The following ALK variants were observed in gnomAD, a reference collection of about 807,000 sequenced individuals.
The protein encoded by ALK is ALK receptor tyrosine kinase, also known as ALK tyrosine kinase receptor.
A neutral mutation model predicts 163.1 loss-of-function variants in ALK; 74 were observed. The ratio of observed to expected loss-of-function variants is 0.45; its 90% CI spans 0.38 to 0.55. The LOEUF is 0.55. Ranked by LOEUF, ALK falls within the 20% of genes least tolerant of loss-of-function variation. The pLI is 0.00. For missense variants in ALK, 2,063 were observed against 2,105.3 expected, an observed-to-expected ratio of 0.98 and a Z score of 0.39; for synonymous variants, 960 against 843.2, an observed-to-expected ratio of 1.14 and a Z score of -2.40.
At chr2:29,713,538 CT>C (rs1231540763) in intron 2 of ALK, among the ~76,000 whole-genome samples, 1 of 152,080 alleles carries the variant, frequency 6.6e-6, no homozygotes, top group Non-Finnish European at 1.5e-5. Flanking sequence ...AGACATCAGA[CT>C]GATCATTTAG....
chr2:29,245,920 C>T (rs148280143), intron 12 of ALK, among the ~76,000 whole-genome samples: 214 of 152,342 alleles, frequency 1.4e-3, no homozygotes, highest in East Asian at 6.4e-3. Flanking sequence ...TGGCGTTGTC[C>T]GGCTGCACAC....
chr2:29,910,784 A>G (rs933316458), intron 1 of ALK, among the ~76,000 whole-genome samples: 8 of 152,242 alleles, frequency 5.3e-5, no homozygotes, highest in African/African-American at 1.9e-4. Flanking sequence ...CACTTTCAGC[A>G]AACAAAAGCT....
chr2:29,716,107 T>C (rs111530364), intron 2 of ALK, among the ~76,000 whole-genome samples: 47 of 152,316 alleles, frequency 3.1e-4, no homozygotes, highest in African/African-American at 1.1e-3. Flanking sequence ...GCATTTTAAA[T>C]AGCTTAGGCC....
chr2:29,865,353 G>A (rs1666405689), intron 1 of ALK, among the ~76,000 whole-genome samples: 1 of 152,180 alleles, frequency 6.6e-6, no homozygotes, highest in Admixed American at 6.5e-5. Flanking sequence ...GCAAGGAGCT[G>A]GGTCCCCAGA....
intron 5 of ALK, among the ~76,000 whole-genome samples, chr2:29,357,649 G>A (rs1486387569): frequency 6.6e-6 from 1 of 152,190 alleles, no homozygotes; most frequent in African/African-American, 2.4e-5. Context: ...CCACCTGTCT[G>A]TCCATTGGAA....
intron 3 of ALK, among the ~76,000 whole-genome samples, chr2:29,604,648 T>G (rs1200678411): frequency 1.3e-5 from 2 of 152,234 alleles, no homozygotes; most frequent in African/African-American, 2.4e-5. Context: ...AAAAGAGGTC[T>G]GATGTGTCCT....
At chr2:29,398,818 A>C (rs2148313563) in intron 4 of ALK, among the ~76,000 whole-genome samples, 1 of 152,334 alleles carries the variant, frequency 6.6e-6, no homozygotes, top group Admixed American at 6.5e-5. Flanking sequence ...GGGTGGTTGC[A>C]AAGTTCTGCT....
intron 3 of ALK, among the ~76,000 whole-genome samples, chr2:29,580,698 A>G (rs1004888394): frequency 3.9e-5 from 6 of 152,226 alleles, no homozygotes; most frequent in Admixed American, 1.3e-4. Context: ...ACAGATGTGG[A>G]GCGGAAAATT....
intron 1 of ALK, among the ~76,000 whole-genome samples, chr2:29,822,026 C>G (rs990095874): frequency 6.6e-6 from 1 of 152,202 alleles, no homozygotes; most frequent in East Asian, 1.9e-4. Flanking sequence ...TGAAATCAGG[C>G]CTTCTTCTGC....
intron 1 of ALK, among the ~76,000 whole-genome samples, chr2:29,803,167 A>C (rs1664527265): frequency 6.6e-6 from 1 of 152,196 alleles, no homozygotes. Context: ...ATGCCAGCAA[A>C]ACAAAAAGTG....
intron 1 of ALK, among the ~76,000 whole-genome samples, chr2:29,906,794 T>C (rs1034646358): frequency 2.0e-5 from 3 of 152,218 alleles, no homozygotes; most frequent in East Asian, 1.9e-4. Context: ...AACTGTTCAA[T>C]GGTAGCTGTT....
chr2:29,645,767 C>T (rs1558423561), intron 3 of ALK, among the ~76,000 whole-genome samples: 1 of 152,144 alleles, frequency 6.6e-6, no homozygotes, highest in Non-Finnish European at 1.5e-5. Context: ...CAGCTGGTCA[C>T]TCCCACACCC....
chr2:29,521,194 G>A (rs1228350917), intron 4 of ALK, among the ~76,000 whole-genome samples: 1 of 152,110 alleles, frequency 6.6e-6, no homozygotes, highest in Non-Finnish European at 1.5e-5. Flanking sequence ...CTATAGGGTG[G>A]AGCAAGGTCC....
intron 3 of ALK, among the ~76,000 whole-genome samples, chr2:29,682,282 G>T (rs1678094620): frequency 6.6e-6 from 1 of 152,156 alleles, no homozygotes; most frequent in Non-Finnish European, 1.5e-5. Context: ...GGGCAATTAT[G>T]GATGCTCTCT....
chr2:29,832,002 C>A (rs1276070930), intron 1 of ALK, among the ~76,000 whole-genome samples: 1 of 152,234 alleles, frequency 6.6e-6, no homozygotes, highest in South Asian at 2.1e-4. Context: ...ATACTGAATA[C>A]GATTTATGAA....
At chr2:29,239,462 G>T (rs752842644) in intron 13 of ALK, among the ~76,000 whole-genome samples, 11 of 152,096 alleles carry the variant, frequency 7.2e-5, no homozygotes, top group Non-Finnish European at 1.2e-4. Context: ...TTCCTGCTAG[G>T]ATGGCCAGCT....
intron 1 of ALK, among the ~76,000 whole-genome samples, chr2:29,720,872 T>C (rs1558458940): frequency 2.0e-5 from 3 of 152,106 alleles, no homozygotes. Context: ...TCTGAAAATA[T>C]GAGGATCCAG....
At chr2:29,225,672 T>G (rs750830037) in intron 18 of ALK, 107 bp from the exon 19 acceptor site, 1 of 900,274 alleles carries the variant, frequency 1.1e-6, no homozygotes, top group Non-Finnish European at 1.8e-6. Flanking sequence ...TACTTGCTCC[T>G]TCCCATCGCT....
At chr2:29,804,778 T>C (rs1201387147) in intron 1 of ALK, among the ~76,000 whole-genome samples, 1 of 152,204 alleles carries the variant, frequency 6.6e-6, no homozygotes, top group Non-Finnish European at 1.5e-5. Flanking sequence ...TAATCTGCCA[T>C]GTTGACTTTT....
Sources: gnomAD v4.1 joint callset for allele counts (sites outside exome capture counted in the v4.1 genomes callset) on GRCh38, gnomAD v4.1.1 for gene constraint, MANE v1.5 for transcripts, NCBI Gene and HGNC (gene_info 2026-07-23, HGNC 2026-07-21) for gene names.